Variants in SLC44A3 observed in about 807,000 individuals in gnomAD.
The protein encoded by SLC44A3 is choline transporter-like protein 3.
A neutral mutation model predicts 75.4 loss-of-function variants in SLC44A3; 74 were observed. The ratio of observed to expected loss-of-function variants is 0.98; its 90% CI spans 0.81 to 1.19. The LOEUF is 1.19. Ranked by LOEUF, SLC44A3 falls within the 50% of genes most tolerant of loss-of-function variation. SLC44A3 has a pLI of 0.00. For missense variants in SLC44A3, 700 were observed against 778.6 expected, an observed-to-expected ratio of 0.90 and a Z score of 1.20; for synonymous variants, 310 against 296.9, an observed-to-expected ratio of 1.04 and a Z score of -0.45.
chr1:94,828,449 C>T (rs749217419), intron 4 of SLC44A3, 44 bp from the exon 5 acceptor site: 1 of 1,530,306 alleles, frequency 6.5e-7, no homozygotes, highest in African/African-American at 1.4e-5. Context: ...TCCTTACTGA[C>T]TCACCTGGAA....
At chr1:94,882,608 A>G (rs1051475025) in intron 12 of SLC44A3, among the ~76,000 whole-genome samples, 2 of 152,162 alleles carry the variant, frequency 1.3e-5, no homozygotes, top group Non-Finnish European at 2.9e-5. Flanking sequence ...ACACTTCGAC[A>G]CGGTCCTCTA....
chr1:94,834,610 G>A (rs1425755969), intron 5 of SLC44A3, among the ~76,000 whole-genome samples: 2 of 151,808 alleles, frequency 1.3e-5, no homozygotes, highest in South Asian at 2.1e-4. Context: ...TCAGCCTCCC[G>A]AGTAGCTGGG....
At chr1:94,820,509 A>C in intron 1 of SLC44A3, 31 bp downstream of exon 1, 1 of 1,485,460 alleles carries the variant, frequency 6.7e-7, no homozygotes, top group Non-Finnish European at 8.9e-7. Flanking sequence ...CCCTCGGGGG[A>C]GGAGCCCCGG....
At chr1:94,886,403 G>C (rs1669590470) in intron 12 of SLC44A3, among the ~76,000 whole-genome samples, 1 of 152,088 alleles carries the variant, frequency 6.6e-6, no homozygotes, top group Admixed American at 6.6e-5. Flanking sequence ...CCCACCGAGG[G>C]CTGACCCCCG....
intron 10 of SLC44A3, among the ~76,000 whole-genome samples, chr1:94,859,105 G>C (rs1308677216): frequency 6.6e-6 from 1 of 152,162 alleles, no homozygotes; most frequent in Non-Finnish European, 1.5e-5. Flanking sequence ...AGCAGCCGGG[G>C]GTGGGTTGTG....
intron 9 of SLC44A3, among the ~76,000 whole-genome samples, chr1:94,851,922 AC>A: frequency 6.6e-6 from 1 of 152,294 alleles, no homozygotes; most frequent in South Asian, 2.1e-4. Context: ...TCATTATATC[AC>A]CTTAGTCTTT....
chr1:94,856,258 A>T (rs1665858933), intron 9 of SLC44A3, among the ~76,000 whole-genome samples: 1 of 152,042 alleles, frequency 6.6e-6, no homozygotes, highest in Non-Finnish European at 1.5e-5. Flanking sequence ...AAGTACTCTC[A>T]CTCCGTGCTC....
At chr1:94,840,142 A>G in intron 7 of SLC44A3, 105 bp downstream of exon 7, 1 of 927,150 alleles carries the variant, frequency 1.1e-6, no homozygotes, top group Non-Finnish European at 1.7e-6. Flanking sequence ...TGGAGTCTTA[A>G]AGAGTATCTA....
intron 10 of SLC44A3, among the ~76,000 whole-genome samples, chr1:94,858,708 T>C (rs1370094013): frequency 6.6e-6 from 1 of 152,000 alleles, no homozygotes; most frequent in Non-Finnish European, 1.5e-5. Flanking sequence ...TGTTTGTTTA[T>C]TGAGACGGAG....
intron 2 of SLC44A3, 150 bp from the exon 3 acceptor site, chr1:94,824,343 G>T: frequency 1.3e-6 from 1 of 789,484 alleles, no homozygotes. Context: ...GATGGGAGTT[G>T]CTGACACTGT....
At chr1:94,857,254 A>C in intron 9 of SLC44A3, 81 bp from the exon 10 acceptor site, 2 of 1,405,718 alleles carry the variant, frequency 1.4e-6, no homozygotes, top group Non-Finnish European at 1.9e-6. Context: ...AAGGCCAAGC[A>C]TAAAGAAACA....
intron 7 of SLC44A3, 108 bp downstream of exon 7, chr1:94,840,145 A>T (rs1663387655): frequency 1.1e-6 from 1 of 907,218 alleles, no homozygotes; most frequent in Non-Finnish European, 1.8e-6. Flanking sequence ...AGTCTTAAAG[A>T]GTATCTAGCC....
At chr1:94,868,411 C>T (rs943031535) in intron 12 of SLC44A3, among the ~76,000 whole-genome samples, 2 of 152,104 alleles carry the variant, frequency 1.3e-5, no homozygotes, top group Non-Finnish European at 2.9e-5. Flanking sequence ...AAAAATGTAG[C>T]CTTCTTATAG....
chr1:94,842,750 C>T (rs919969304), intron 8 of SLC44A3, among the ~76,000 whole-genome samples: 7 of 152,232 alleles, frequency 4.6e-5, no homozygotes, highest in African/African-American at 1.4e-4. Flanking sequence ...TTCAGGTCCC[C>T]CAGAGTCGTC....
At chr1:94,867,829 G>C (rs1435571994) in intron 12 of SLC44A3, among the ~76,000 whole-genome samples, 1 of 147,896 alleles carries the variant, frequency 6.8e-6, no homozygotes, top group Non-Finnish European at 1.5e-5. Flanking sequence ...CCCTACCCTA[G>C]AACCATAGGC....
intron 9 of SLC44A3, among the ~76,000 whole-genome samples, chr1:94,846,672 C>A (rs527852880): frequency 6.6e-6 from 1 of 152,348 alleles, no homozygotes; most frequent in East Asian, 1.9e-4. Flanking sequence ...TCTTTTCTAA[C>A]TCCTCTGTTT....
intron 12 of SLC44A3, among the ~76,000 whole-genome samples, chr1:94,869,180 C>T (rs1334935002): frequency 2.0e-5 from 3 of 152,252 alleles, no homozygotes; most frequent in African/African-American, 7.2e-5. Flanking sequence ...ACGTATTTTC[C>T]TGCCTTCTGA....
intron 9 of SLC44A3, among the ~76,000 whole-genome samples, chr1:94,851,936 A>G (rs963609166): frequency 6.6e-6 from 1 of 152,242 alleles, no homozygotes; most frequent in African/African-American, 2.4e-5. Context: ...TAGTCTTTTG[A>G]AATGCTTTAA....
intron 12 of SLC44A3, among the ~76,000 whole-genome samples, chr1:94,887,686 C>T (rs1418606397): frequency 1.3e-5 from 2 of 152,140 alleles, no homozygotes; most frequent in Non-Finnish European, 1.5e-5. Flanking sequence ...AGTGCTTCCC[C>T]ATGGGAAGCA....
Sources: gnomAD v4.1 joint callset for allele counts (sites outside exome capture counted in the v4.1 genomes callset) on GRCh38, gnomAD v4.1.1 for gene constraint, MANE v1.5 for transcripts, NCBI Gene and HGNC (gene_info 2026-07-23, HGNC 2026-07-21) for gene names.